Variants in EXT1 observed in about 807,000 individuals in gnomAD.
EXT1 encodes exostosin-1.
EXT1 carries 20 observed loss-of-function variants against 82.5 expected under a neutral mutation model. That is an observed-to-expected ratio of 0.24 (90% CI 0.17 to 0.35). EXT1 has a LOEUF of 0.35. Among genes scored for constraint, EXT1 ranks in the 10% least tolerant of loss-of-function variants. The pLI, the probability that EXT1 is intolerant of heterozygous loss-of-function variation, is 1.00. For missense variants in EXT1, 757 were observed against 936.5 expected, an observed-to-expected ratio of 0.81 and a Z score of 2.50; for synonymous variants, 348 against 350.8, an observed-to-expected ratio of 0.99 and a Z score of 0.09.
At chr8:117,995,024 A>C (rs1444089262) in intron 1 of EXT1, among the ~76,000 whole-genome samples, 3 of 152,234 alleles carry the variant, frequency 2.0e-5, no homozygotes, top group Non-Finnish European at 2.9e-5. Context: ...ATCTGTGTCC[A>C]GAGTCACGAA....
intron 1 of EXT1, among the ~76,000 whole-genome samples, chr8:118,099,127 C>T (rs1480690989): frequency 6.6e-6 from 1 of 152,202 alleles, no homozygotes; most frequent in Admixed American, 6.5e-5. Context: ...TGTTATAGTT[C>T]ATCAAATATC....
At chr8:118,066,321 CT>C (rs1304664472) in intron 1 of EXT1, among the ~76,000 whole-genome samples, 2 of 149,396 alleles carry the variant, frequency 1.3e-5, no homozygotes, top group African/African-American at 2.5e-5. Flanking sequence ...ATAACATTTT[CT>C]TTTCTCTAGC....
chr8:117,950,365 T>C (rs1339507981), intron 1 of EXT1, among the ~76,000 whole-genome samples: 1 of 152,240 alleles, frequency 6.6e-6, no homozygotes, highest in African/African-American at 2.4e-5. Context: ...TTCAAGTAAC[T>C]GATTCTCAGC....
At chr8:117,954,664 G>A (rs931564388) in intron 1 of EXT1, among the ~76,000 whole-genome samples, 3 of 152,104 alleles carry the variant, frequency 2.0e-5, no homozygotes, top group African/African-American at 7.2e-5. Context: ...TTACGGTTCT[G>A]CAAACACTCT....
chr8:117,903,601 C>A (rs1445789615), intron 1 of EXT1, among the ~76,000 whole-genome samples: 1 of 152,150 alleles, frequency 6.6e-6, no homozygotes. Flanking sequence ...AGGAGTCAGA[C>A]AGTATTAAAA....
chr8:117,799,355 C>A lies in EXT1; in HGVS notation c.*357G>T. The A allele has an allele frequency of 3.4e-6, 1 of 293,438 alleles. No homozygotes were observed. Among genetic ancestry groups the A allele is most frequent in the Non-Finnish European group, 6.5e-6 (1 of 153,600 alleles). 18.2% of individuals were successfully genotyped at this position (293,438 alleles called of 1,614,324 possible). A position where few individuals can be genotyped will look rare whatever the true frequency, so the allele number is the denominator to read the frequency against. On this transcript the variant is annotated 3_prime_UTR_variant, in exon 11 of 11. Coordinates refer to ENST00000378204, the MANE Select transcript of EXT1 (RefSeq NM_000127.3). ...ATAGCAGCTTTGAAATATTCACAAC[C>A]AACACAATTTTGATTAAACAAAGAA...
At chr8:117,847,310 A>G (rs1318274363) in intron 1 of EXT1, among the ~76,000 whole-genome samples, 1 of 152,184 alleles carries the variant, frequency 6.6e-6, no homozygotes, top group Non-Finnish European at 1.5e-5. Flanking sequence ...TCCTATGCTT[A>G]CACCAAGCCC....
At chr8:118,096,592 CAAGAAAGG>C (rs1430322985) in intron 1 of EXT1, among the ~76,000 whole-genome samples, 2 of 132,006 alleles carry the variant, frequency 1.5e-5, no homozygotes, top group South Asian at 2.6e-4. Flanking sequence ...AAGACTCCGT[CAAGAAAGG>C]AAGGAAGGAA....
At chr8:118,086,431 C>A (rs1817419651) in intron 1 of EXT1, among the ~76,000 whole-genome samples, 1 of 152,204 alleles carries the variant, frequency 6.6e-6, no homozygotes, top group Admixed American at 6.5e-5. Context: ...AAAGGAAATG[C>A]TCTGAATCCT....
intron 1 of EXT1, among the ~76,000 whole-genome samples, chr8:117,990,266 A>G (rs1427967343): frequency 1.3e-5 from 2 of 152,232 alleles, no homozygotes; most frequent in Non-Finnish European, 2.9e-5. Flanking sequence ...GACAGAAGCA[A>G]TTAAGAAAAG....
In EXT1 at chr8:117,853,816, C is replaced by G. The variant is rs929467368; in HGVS notation, c.963-16615G>C. Among the ~76,000 whole-genome samples the G allele has an allele frequency of 7.9e-5, 12 of 152,378 alleles. No homozygotes were observed. The East Asian group carries it at 2.3e-3, about 29-fold the overall frequency. On this transcript the variant is annotated intron_variant, in intron 1 of 10. Coordinates refer to ENST00000378204, the MANE Select transcript of EXT1 (RefSeq NM_000127.3). ...GGTAATTAAAAGCCAAATTCCCTAACTCCCTAAATGCTATGAGCAGTTTGA... is the reference window on the plus strand; with the variant it reads ...GGTAATTAAAAGCCAAATTCCCTAAGTCCCTAAATGCTATGAGCAGTTTGA...
At chr8:117,988,911 T>C (rs1247943836) in intron 1 of EXT1, among the ~76,000 whole-genome samples, 3 of 151,794 alleles carry the variant, frequency 2.0e-5, no homozygotes, top group Admixed American at 6.6e-5. Flanking sequence ...CATTCTTTTA[T>C]AACTACTTAA....
Position 118,019,093 on chromosome 8 carries a change from GA to G in EXT1, c.962+90991del, listed in dbSNP as rs66876388. ...TAGCTCTAGAGGCAGAGGAAAAAAAGAAAAAAAAAAACTTAAAGGAACAGGC... is the reference window on the plus strand; with the variant it reads ...TAGCTCTAGAGGCAGAGGAAAAAAAGAAAAAAAAAACTTAAAGGAACAGGC... On this transcript the variant is annotated intron_variant, in intron 1 of 10. Coordinates refer to ENST00000378204, the MANE Select transcript of EXT1 (RefSeq NM_000127.3). Among the ~76,000 whole-genome samples the G allele has an allele frequency of 7.5e-4, 110 of 146,482 alleles. 1 individual carries two copies. Among genetic ancestry groups the G allele is most frequent in the East Asian group, 4.7e-3 (24 of 5,072 alleles).
At chr8:117,819,624 T>C (rs1206157268) in intron 6 of EXT1, 52 bp downstream of exon 6, 28 of 1,514,494 alleles carry the variant, frequency 1.8e-5, no homozygotes, top group Non-Finnish European at 2.4e-5. Context: ...GGGCGGAGTC[T>C]CTGGTCTGGA....
intron 1 of EXT1, among the ~76,000 whole-genome samples, chr8:117,910,727 G>A (rs1813630742): frequency 1.3e-5 from 2 of 152,160 alleles, no homozygotes; most frequent in African/African-American, 4.8e-5. Context: ...ATGAGTTGAC[G>A]GAAGCTTAGA....
intron 10 of EXT1, among the ~76,000 whole-genome samples, chr8:117,803,757 C>A (rs530372951): frequency 2.0e-4 from 30 of 152,264 alleles, no homozygotes; most frequent in Middle Eastern, 6.8e-3. Flanking sequence ...CTTGAAAATA[C>A]CTTTAATACT....
chr8:117,888,681 G>T (rs1049331826), intron 1 of EXT1, among the ~76,000 whole-genome samples: 1 of 152,036 alleles, frequency 6.6e-6, no homozygotes, highest in Non-Finnish European at 1.5e-5. Context: ...TTCTCTTTAC[G>T]GTGGACTCTC....
chr8:117,808,660 A>G (rs1307301778), intron 8 of EXT1, among the ~76,000 whole-genome samples: 1 of 152,116 alleles, frequency 6.6e-6, no homozygotes, highest in Non-Finnish European at 1.5e-5. Context: ...TAGCTGGGGG[A>G]CGGAGGGATG....
chr8:117,972,568 T>C (rs1381275638), intron 1 of EXT1, among the ~76,000 whole-genome samples: 1 of 152,220 alleles, frequency 6.6e-6, no homozygotes, highest in Non-Finnish European at 1.5e-5. Flanking sequence ...ACACATACTA[T>C]GGTGGCAAAT....
Sources: allele counts gnomAD v4.1 joint callset (sites outside exome capture counted in the v4.1 genomes callset), GRCh38; gene constraint gnomAD v4.1.1; transcripts MANE v1.5; gene names NCBI Gene and HGNC (gene_info 2026-07-23, HGNC 2026-07-21).